Variants in UBE2D3 observed in about 807,000 individuals in gnomAD.
UBE2D3 encodes ubiquitin-conjugating enzyme E2 D3.
UBE2D3 carries 2 observed loss-of-function variants against 22.8 expected under a neutral mutation model. That is an observed-to-expected ratio of 0.09 (90% CI 0.04 to 0.28). The LOEUF (loss-of-function observed/expected upper bound fraction) is 0.28. Ranked by LOEUF, UBE2D3 falls within the 10% of genes least tolerant of loss-of-function variation. The pLI is 1.00. For synonymous variants in UBE2D3, 56 were observed against 60.4 expected (o/e 0.93, Z 0.34); for missense variants, 27 against 182.5 (o/e 0.15, Z 4.91).
upstream of UBE2D3, among the ~76,000 whole-genome samples, chr4:102,829,498 A>C (rs1248046271): frequency 2.0e-5 from 3 of 149,066 alleles, no homozygotes; most frequent in Non-Finnish European, 4.4e-5. Flanking sequence ...TTCACCGCTA[A>C]AGTAAGTAAT....
intron 1 of UBE2D3, among the ~76,000 whole-genome samples, chr4:102,864,388 G>T (rs757373315): frequency 3.1e-5 from 1 of 32,174 alleles, no homozygotes; most frequent in Admixed American, 3.1e-4. Flanking sequence ...TGGGCTGACA[G>T]AGCAGAAAAA....
chr4:102,815,894 C>T (rs223405), intron 2 of UBE2D3, among the ~76,000 whole-genome samples: 88,017 of 152,022 alleles, frequency 0.58, 26,899 homozygotes, highest in African/African-American at 0.79. Flanking sequence ...TATTTCACCA[C>T]TTTCTTTCTT....
At chr4:102,827,291 C>G in intron 1 of UBE2D3, 136 bp downstream of exon 1, 1 of 956,970 alleles carries the variant, frequency 1.0e-6, no homozygotes, top group Non-Finnish European at 1.2e-6. Flanking sequence ...GCGGCTTCCC[C>G]AACCTTCCCA....
chr4:102,798,874 C>T (rs1355460195), intron 7 of UBE2D3: 4 of 1,568,960 alleles, frequency 2.5e-6, no homozygotes, highest in Non-Finnish European at 3.5e-6. Flanking sequence ...GCATGCAGCA[C>T]TCAAGTGCTG....
intron 5 of UBE2D3, 140 bp from the exon 6 acceptor site, chr4:102,801,699 CA>C (rs1726175878): frequency 1.5e-6 from 1 of 675,044 alleles, no homozygotes; most frequent in Non-Finnish European, 2.4e-6. Flanking sequence ...CTGATTTTTA[CA>C]ATCTGACCAC....
At chr4:102,823,690 G>A (rs1385189786) in intron 2 of UBE2D3, among the ~76,000 whole-genome samples, 1 of 152,052 alleles carries the variant, frequency 6.6e-6, no homozygotes, top group Non-Finnish European at 1.5e-5. Flanking sequence ...TTGTTTAATA[G>A]CCCTATTTAA....
At chr4:102,834,875 C>G (rs1731307026) in intron 1 of UBE2D3, among the ~76,000 whole-genome samples, 1 of 151,816 alleles carries the variant, frequency 6.6e-6, no homozygotes, top group Admixed American at 6.5e-5. Context: ...GCCTCCAGGG[C>G]TCAAGGAGTC....
chr4:102,864,942 T>C (rs1184106283), intron 1 of UBE2D3, among the ~76,000 whole-genome samples: 3 of 152,174 alleles, frequency 2.0e-5, no homozygotes, highest in Non-Finnish European at 4.4e-5. Flanking sequence ...CAATAAATGG[T>C]GCTAGAACAT....
chr4:102,802,729 AACCCAAATC>A, intron 4 of UBE2D3, 91 bp from the exon 5 acceptor site: 1 of 965,966 alleles, frequency 1.0e-6, no homozygotes, highest in Middle Eastern at 2.7e-4. Flanking sequence ...TCTAATAATG[AACCCAAATC>A]ACCTATTTAC....
rs527918971 is a variant in UBE2D3, at chr4:102,826,280, C to T, written c.24+205G>A. On this transcript the variant is annotated intron_variant, in intron 2 of 7. Coordinates refer to ENST00000453744, the MANE Select transcript of UBE2D3 (RefSeq NM_181891.3). ...GATTCCACTGAAGCACTCAGGATAA[C>T]ACCTCACTTGCCACAAGTGTTCTCC... 1.4e-4 allele frequency among the ~76,000 whole-genome samples: 22 copies of T among 152,308 alleles called. No individual in the cohort carries two copies. The South Asian group carries it at 4.4e-3, about 30-fold the overall frequency.
chr4:102,803,048 C>A (rs1010097526), intron 4 of UBE2D3, among the ~76,000 whole-genome samples: 1 of 152,204 alleles, frequency 6.6e-6, no homozygotes, highest in African/African-American at 2.4e-5. Context: ...ATTCTGCCCA[C>A]TGGCAAACCA....
At chr4:102,800,624 G>A (rs1167856941) in intron 6 of UBE2D3, among the ~76,000 whole-genome samples, 3 of 152,020 alleles carry the variant, frequency 2.0e-5, no homozygotes, top group African/African-American at 4.8e-5. Flanking sequence ...AAAAACACTC[G>A]AATTATGGCA....
intron 1 of UBE2D3, among the ~76,000 whole-genome samples, chr4:102,856,663 T>G (rs1007723087): frequency 6.6e-6 from 1 of 152,220 alleles, no homozygotes; most frequent in African/African-American, 2.4e-5. Context: ...CTCTCCTCCT[T>G]TCCTCAGAAG....
At chr4:102,866,182 C>T (rs773699739) in intron 1 of UBE2D3, among the ~76,000 whole-genome samples, 2 of 152,186 alleles carry the variant, frequency 1.3e-5, no homozygotes, top group East Asian at 1.9e-4. Flanking sequence ...ATTACACATT[C>T]GCATAGCTCA....
Position 102,826,572 on chromosome 4 carries a change from C to T in UBE2D3, c.-64G>A. The T allele has an allele frequency of 1.9e-6, 3 of 1,607,342 alleles. No individual in the cohort carries two copies. The highest frequency in any genetic ancestry group is 4.5e-5 in the East Asian group (2 of 44,868). On this transcript the variant is annotated 5_prime_UTR_variant, in exon 2 of 8. Transcript: ENST00000453744. Reference sequence around the variant, plus strand: ...TATGCTCAAAGGTCCGGCCAAAACTCTTGATTATCCCGGCGGCGGGGCAGG... The same window carrying T: ...TATGCTCAAAGGTCCGGCCAAAACTTTTGATTATCCCGGCGGCGGGGCAGG...
intron 7 of UBE2D3, among the ~76,000 whole-genome samples, chr4:102,797,689 C>A (rs1470982041): frequency 6.6e-6 from 1 of 151,906 alleles, no homozygotes; most frequent in African/African-American, 2.4e-5. Flanking sequence ...ACTAAGAAAG[C>A]AGCACTGAAA....
chr4:102,813,110 G>T (rs1301300197), intron 2 of UBE2D3: 2 of 152,108 alleles, frequency 1.3e-5, no homozygotes, highest in Admixed American at 1.3e-4. Flanking sequence ...TGCTCTAATA[G>T]TATCTTTTTT....
intron 4 of UBE2D3, 82 bp from the exon 5 acceptor site, chr4:102,802,720 CTAA>C (rs1231410995): frequency 4.4e-6 from 5 of 1,135,754 alleles, no homozygotes; most frequent in African/African-American, 3.1e-5. Context: ...AAGCATTTCT[CTAA>C]TAATGAACCC....
At chr4:102,816,274 C>G (rs1728767376) in intron 2 of UBE2D3, among the ~76,000 whole-genome samples, 1 of 152,194 alleles carries the variant, frequency 6.6e-6, no homozygotes, top group Non-Finnish European at 1.5e-5. Flanking sequence ...TTGTCCATCC[C>G]AACCTAAGAG....
Sources: allele counts gnomAD v4.1 joint callset (sites outside exome capture counted in the v4.1 genomes callset), GRCh38; gene constraint gnomAD v4.1.1; transcripts MANE v1.5; gene names NCBI Gene and HGNC (gene_info 2026-07-23, HGNC 2026-07-21).